Variants in ASIC2 observed in about 807,000 individuals in gnomAD.
ASIC2 encodes the protein acid sensing ion channel subunit 2, also known as acid-sensing ion channel 2.
A neutral mutation model predicts 57.3 loss-of-function variants in ASIC2; 25 were observed. The ratio of observed to expected loss-of-function variants is 0.44; its 90% confidence interval spans 0.32 to 0.61. The LOEUF is 0.61. ASIC2 is among the 20% of genes least tolerant of loss of function. The pLI is 0.06. For missense variants in ASIC2, 641 were observed against 738.1 expected, an observed-to-expected ratio of 0.87 and a Z score of 1.52; for synonymous variants, 319 against 307.5, an observed-to-expected ratio of 1.04 and a Z score of -0.39.
intron 1 of ASIC2, among the ~76,000 whole-genome samples, chr17:34,087,945 A>AT (rs879517851): frequency 1.1e-4 from 17 of 151,914 alleles, no homozygotes; most frequent in South Asian, 2.1e-4. Context: ...ATTCTTCTAA[A>AT]TTTTTTTCAA....
At chr17:33,067,059 C>T (rs56167275) in intron 3 of ASIC2, among the ~76,000 whole-genome samples, 2,640 of 152,258 alleles carry the variant, frequency 0.017, 74 homozygotes, top group African/African-American at 0.06. Context: ...GTGGGAACAT[C>T]GCAGGCAAAA....
intron 3 of ASIC2, among the ~76,000 whole-genome samples, chr17:33,047,937 A>G (rs1369021043): frequency 6.6e-6 from 1 of 152,174 alleles, no homozygotes; most frequent in Non-Finnish European, 1.5e-5. Context: ...GATGGACTGA[A>G]TTGTCTGTCT....
chr17:34,015,603 C>T (rs1906923781), intron 1 of ASIC2, among the ~76,000 whole-genome samples: 1 of 152,192 alleles, frequency 6.6e-6, no homozygotes. Context: ...TTACAATAAG[C>T]CCTCATCTTC....
At chr17:33,288,308 G>A (rs1399737473) in intron 1 of ASIC2, among the ~76,000 whole-genome samples, 1 of 152,140 alleles carries the variant, frequency 6.6e-6, no homozygotes, top group Non-Finnish European at 1.5e-5. Context: ...GAGCAGGCAG[G>A]TGTCCCCCAG....
intron 1 of ASIC2, among the ~76,000 whole-genome samples, chr17:33,342,324 A>ATGTGTGTGTGTACG (rs556470755): frequency 0.03 from 2,786 of 91,512 alleles, 86 homozygotes; most frequent in African/African-American, 0.097. Context: ...GTGTGTGTAC[A>ATGTGTGTGTGTACG]TGTGTGTGTG....
intron 1 of ASIC2, among the ~76,000 whole-genome samples, chr17:33,268,995 G>A (rs1414027265): frequency 6.6e-6 from 1 of 151,684 alleles, no homozygotes; most frequent in Non-Finnish European, 1.5e-5. Flanking sequence ...GAAGGAGGGG[G>A]TTGGATGAGA....
chr17:33,636,001 C>T (rs1403659617), intron 1 of ASIC2, among the ~76,000 whole-genome samples: 6 of 152,154 alleles, frequency 3.9e-5, no homozygotes, highest in African/African-American at 1.4e-4. Flanking sequence ...ATGACGGATA[C>T]AATTTTATAT....
chr17:33,190,586 G>A (rs1208249868), intron 1 of ASIC2, among the ~76,000 whole-genome samples: 1 of 152,054 alleles, frequency 6.6e-6, no homozygotes, highest in African/African-American at 2.4e-5. Context: ...AGTCAATTTT[G>A]AAAAAGAACA....
chr17:33,870,067 G>A (rs768784678), intron 1 of ASIC2, among the ~76,000 whole-genome samples: 2 of 152,014 alleles, frequency 1.3e-5, no homozygotes, highest in African/African-American at 2.4e-5. Flanking sequence ...TTGCTCTGAT[G>A]GAGCATAGTC....
chr17:33,869,743 G>A (rs1914339865), intron 1 of ASIC2, among the ~76,000 whole-genome samples: 1 of 152,220 alleles, frequency 6.6e-6, no homozygotes, highest in South Asian at 2.1e-4. Context: ...AGAGTGAGAA[G>A]TGAGAGAAAA....
In ASIC2 at chr17:33,400,224, A is replaced by G. The variant is rs538202637; in HGVS notation, c.556-288157T>C. On this transcript the variant is annotated intron_variant, in intron 1 of 9. Coordinates refer to the ASIC2 transcript ENST00000359872. ...GAGATGGGGGACAACTGATTGGCTG[A>G]GGTTCTCTGTGTGTGAGGTGCCAGA... is the stretch of plus-strand genomic sequence containing the variant. Among the ~76,000 whole-genome samples the G allele has an allele frequency of 1.6e-4, 24 of 152,230 alleles. No individual in the cohort carries two copies. In the South Asian group the frequency reaches 5.0e-3, roughly 32 times the overall value.
At chr17:33,564,087 C>G (rs2043471) in intron 1 of ASIC2, among the ~76,000 whole-genome samples, 7 of 151,952 alleles carry the variant, frequency 4.6e-5, no homozygotes, top group Admixed American at 2.6e-4. Flanking sequence ...CGGCAGCCCC[C>G]CTGAGGAGGT....
At chr17:33,812,218 T>C (rs1912442463) in intron 1 of ASIC2, among the ~76,000 whole-genome samples, 1 of 152,108 alleles carries the variant, frequency 6.6e-6, no homozygotes, top group African/African-American at 2.4e-5. Flanking sequence ...TGCCAATTGC[T>C]CTTGAGGAAG....
rs1437340912 is a variant in ASIC2 at position 33,291,984 on chromosome 17, G to T, written c.132C>A (p.Gly44=). 6.2e-6 allele frequency: 8 copies of T among 1,281,974 alleles called. No individual in the cohort carries two copies. Among genetic ancestry groups the T allele is most frequent in the Non-Finnish European group, 7.8e-6 (8 of 1,024,224 alleles). The allele number at this position is 1,281,974 out of a possible 1,614,324, so 79.4% of individuals were successfully genotyped here. The part of the protein sequence containing the change: ...AAGQPGGGRG[G]ERALQGPGVA... ...CCCCTGGCCCCTGCAGCGCCCGCTC[G>T]CCGCCTCTGCCGCCCCCGGGCTGCC... Residue 44 remains glycine (G), a synonymous_variant, in exon 1 of 10, where the codon GGC becomes GGA. Transcript: ENST00000225823.
intron 1 of ASIC2, chr17:34,041,451 C>T (rs1052775005): frequency 1.3e-5 from 2 of 152,078 alleles, no homozygotes; most frequent in African/African-American, 2.4e-5. Context: ...GAGACAAGGT[C>T]GTGAAATAGA....
chr17:33,690,818 T>C (rs140105315), intron 1 of ASIC2, among the ~76,000 whole-genome samples: 6,327 of 147,588 alleles, frequency 0.043, 442 homozygotes, highest in African/African-American at 0.15. Context: ...GGCGCAATCT[T>C]GGCTCACTGC....
chr17:33,328,243 G>A (rs971391604), intron 1 of ASIC2, among the ~76,000 whole-genome samples: 1 of 152,134 alleles, frequency 6.6e-6, no homozygotes, highest in African/African-American at 2.4e-5. Flanking sequence ...GTTACAAAAA[G>A]CACCTGGTTG....
chr17:33,225,987 C>A (rs1235186858), intron 1 of ASIC2, among the ~76,000 whole-genome samples: 1 of 152,172 alleles, frequency 6.6e-6, no homozygotes, highest in Non-Finnish European at 1.5e-5. Context: ...ATGTGCCAGG[C>A]AGTATCATAA....
intron 1 of ASIC2, among the ~76,000 whole-genome samples, chr17:33,706,370 C>A (rs1489829200): frequency 6.6e-6 from 1 of 151,896 alleles, no homozygotes; most frequent in Non-Finnish European, 1.5e-5. Flanking sequence ...CAGGTATGTG[C>A]CACCATGAAT....
Sources: gnomAD v4.1 joint callset for allele counts (sites outside exome capture counted in the v4.1 genomes callset) on GRCh38, gnomAD v4.1.1 for gene constraint, MANE v1.5 for transcripts, NCBI Gene and HGNC (gene_info 2026-07-23, HGNC 2026-07-21) for gene names.